Variants in PDXDC1 observed in about 807,000 individuals in gnomAD.
PDXDC1 encodes pyridoxal-dependent decarboxylase domain-containing protein 1.
In PDXDC1, 42 loss-of-function variants were observed where a neutral mutation model predicts 100.1. The ratio of observed to expected loss-of-function variants is 0.42; its 90% CI spans 0.33 to 0.54. The LOEUF (loss-of-function observed/expected upper bound fraction) is 0.54, where lower values mean the gene tolerates loss of function less well. Among genes scored for constraint, PDXDC1 ranks in the 20% least tolerant of loss-of-function variants. PDXDC1 has a pLI of 0.10. For missense variants in PDXDC1, 636 were observed against 979.2 expected, an observed-to-expected ratio of 0.65 and a Z score of 4.68; for synonymous variants, 260 against 371.7, an observed-to-expected ratio of 0.70 and a Z score of 3.46.
At position 15,043,577 on chromosome 16, in the gene PDXDC1, T is replaced by C. The variant is rs138802985; in HGVS notation, c.1399+13521T>C. Among the ~76,000 whole-genome samples, 1,359 of 152,274 alleles carry C rather than the reference T, an allele frequency of 8.9e-3. 11 individuals carry two copies. Among genetic ancestry groups the C allele is most frequent in the Non-Finnish European group, 0.012 (788 of 68,018 alleles). On this transcript the variant is annotated intron_variant, in intron 16 of 16. Coordinates refer to the PDXDC1 transcript ENST00000535621. ...ATTGCTTCCCAGACAGGCTGTACCA[T>C]CATATGAGTAAGCTTGCTTCATGGC...
intron 16 of PDXDC1, among the ~76,000 whole-genome samples, chr16:15,072,703 T>C (rs1054835516): frequency 6.6e-6 from 1 of 151,908 alleles, no homozygotes; most frequent in Non-Finnish European, 1.5e-5. Flanking sequence ...GGGTAAGGAC[T>C]GAGAGTCCGT....
intron 5 of PDXDC1, among the ~76,000 whole-genome samples, chr16:15,005,235 T>C (rs1384785297): frequency 6.6e-6 from 1 of 151,040 alleles, no homozygotes; most frequent in African/African-American, 2.4e-5. Context: ...AGTGAGCACC[T>C]GTAGTCCCAG....
chr16:15,092,561 T>C, intron 16 of PDXDC1: 2 of 1,613,754 alleles, frequency 1.2e-6, no homozygotes, highest in East Asian at 2.2e-5. Context: ...CCGAACAGTT[T>C]TTCTTGGGGG....
At chr16:15,130,661 C>A (rs1351255656) in intron 16 of PDXDC1, 1 of 1,441,050 alleles carries the variant, frequency 6.9e-7, no homozygotes, top group Non-Finnish European at 9.7e-7. Flanking sequence ...AGGTGTAGGG[C>A]CGGTGGTCGG....
At chr16:15,084,189 G>A (rs939137253) in intron 16 of PDXDC1, among the ~76,000 whole-genome samples, 4 of 152,106 alleles carry the variant, frequency 2.6e-5, no homozygotes, top group African/African-American at 9.7e-5. Flanking sequence ...ATTTTTAAAA[G>A]AAGAAAAAAT....
intron 11 of PDXDC1, among the ~76,000 whole-genome samples, chr16:15,018,143 G>C (rs1482647851): frequency 6.6e-6 from 1 of 150,876 alleles, no homozygotes; most frequent in Non-Finnish European, 1.5e-5. Context: ...GCTCATGCCT[G>C]TAATCCCAGC....
At chr16:15,079,133 A>T (rs1228484314) in intron 16 of PDXDC1, among the ~76,000 whole-genome samples, 1 of 151,134 alleles carries the variant, frequency 6.6e-6, no homozygotes, top group South Asian at 2.1e-4. Flanking sequence ...TCTAACTACC[A>T]TTAATGGCAA....
intron 1 of PDXDC1, among the ~76,000 whole-genome samples, chr16:14,981,383 C>G (rs1276156952): frequency 6.6e-6 from 1 of 152,284 alleles, no homozygotes; most frequent in African/African-American, 2.4e-5. Flanking sequence ...TCCTCCCAGG[C>G]AAAAACAAAC....
Position 14,984,476 on chromosome 16 carries a change from C to CATATATATATAT in PDXDC1, c.21+9265_21+9276dup, listed in dbSNP as rs749990542. 1.2e-4 allele frequency among the ~76,000 whole-genome samples: 11 copies of CATATATATATAT among 92,684 alleles called. 1 individual carries two copies. Among genetic ancestry groups the CATATATATATAT allele is most frequent in the Admixed American group, 3.7e-4 (2 of 5,356 alleles). 60.8% of individuals were successfully genotyped at this position (92,684 alleles called of 152,430 possible). Reference sequence around the variant, plus strand: ...GAGAGTGTGTGTGTGTGTGTGTATACATATATATATATATATATATTTTTT... The same window carrying CATATATATATAT: ...GAGAGTGTGTGTGTGTGTGTGTATACATATATATATATATATATATATATATATATATTTTTT... On this transcript the variant is annotated intron_variant, in intron 1 of 22. Transcript: ENST00000396410.
chr16:15,150,082 A>T, the PDXDC1 span, among the ~76,000 whole-genome samples: 1 of 151,998 alleles, frequency 6.6e-6, no homozygotes, highest in African/African-American at 2.4e-5. Context: ...CGGTGGCTCA[A>T]GCCTGTAATC....
chr16:15,047,202 G>A (rs1024169662), intron 16 of PDXDC1: 5 of 528,272 alleles, frequency 9.5e-6, no homozygotes, highest in Non-Finnish European at 1.7e-5. Context: ...ACGACATCAA[G>A]TTCAAAGTCA....
intron 16 of PDXDC1, chr16:15,055,648 A>G (rs918713378): frequency 1.3e-4 from 46 of 348,384 alleles, no homozygotes; most frequent in Non-Finnish European, 2.1e-4. Context: ...TGGGCAAGTC[A>G]CCTAACCTCT....
intron 16 of PDXDC1, among the ~76,000 whole-genome samples, chr16:15,067,784 G>T (rs976109872): frequency 1.3e-5 from 2 of 152,076 alleles, no homozygotes; most frequent in African/African-American, 4.8e-5. Context: ...AAGAGACAGG[G>T]TCTCATTCTG....
rs5816114 is a variant in PDXDC1 at position 15,005,317 on chromosome 16, A to AAAAAAAAAAG, written c.389+987_389+988insAAAAAAGAAA. On this transcript the variant is annotated intron_variant, in intron 5 of 22. Coordinates refer to ENST00000396410, the MANE Select transcript of PDXDC1 (RefSeq NM_015027.4). ...GAGACTCTGTCTCAAAAAAAAAAAA[A>AAAAAAAAAAG]AAAGAAAACTCTGTCATAAGGAAGA... 5.4e-5 allele frequency among the ~76,000 whole-genome samples: 8 copies of AAAAAAAAAAG among 146,856 alleles called. 1 individual carries two copies. The highest frequency in any genetic ancestry group is 7.5e-5 in the African/African-American group (3 of 40,094).
chr16:15,007,257 G>A (rs369331151), intron 6 of PDXDC1, among the ~76,000 whole-genome samples: 21 of 133,302 alleles, frequency 1.6e-4, no homozygotes, highest in African/African-American at 3.6e-4. Context: ...TGCAAGCTCC[G>A]CCTCCCGGAT....
At chr16:15,061,964 C>T in intron 16 of PDXDC1, 1 of 1,490,436 alleles carries the variant, frequency 6.7e-7, no homozygotes, top group Middle Eastern at 1.7e-4. Context: ...AAGCTTTCAA[C>T]AATTCCTTCC....
intron 1 of PDXDC1, among the ~76,000 whole-genome samples, chr16:14,991,281 G>A (rs1378410247): frequency 3.9e-5 from 3 of 77,514 alleles, no homozygotes; most frequent in Admixed American, 1.8e-4. Context: ...GTGTGTGTGT[G>A]TGTGTGTGTG....
intron 16 of PDXDC1, among the ~76,000 whole-genome samples, chr16:15,048,676 T>A (rs1204276468): frequency 6.6e-6 from 1 of 152,106 alleles, no homozygotes; most frequent in African/African-American, 2.4e-5. Context: ...CAAGCTGGAG[T>A]ATAGTGGTAC....
At chr16:15,102,417 G>T (rs1015722444) in intron 16 of PDXDC1, among the ~76,000 whole-genome samples, 1 of 151,836 alleles carries the variant, frequency 6.6e-6, no homozygotes, top group African/African-American at 2.4e-5. Context: ...GAGGCCTAAG[G>T]GTCAATGGGC....
Sources: allele counts gnomAD v4.1 joint callset (sites outside exome capture counted in the v4.1 genomes callset), GRCh38; gene constraint gnomAD v4.1.1; transcripts MANE v1.5; gene names NCBI Gene and HGNC (gene_info 2026-07-23, HGNC 2026-07-21).